The following NALF1 variants were observed in gnomAD, a reference collection of about 807,000 sequenced individuals.
NALF1 encodes the protein NALCN channel auxiliary factor 1, also known as family with sequence similarity 155 member A.
A neutral mutation model predicts 48.4 loss-of-function variants in NALF1; 3 were observed. The observed-to-expected ratio is 0.06, with a 90% CI of 0.03 to 0.16. The LOEUF is 0.16. Among genes scored for constraint, NALF1 ranks in the 10% least tolerant of loss-of-function variants. NALF1 has a pLI of 1.00. For synonymous variants in NALF1, 262 were observed against 245.7 expected, an observed-to-expected ratio of 1.07 and a Z score of -0.62; for missense variants, 526 against 571.5, an observed-to-expected ratio of 0.92 and a Z score of 0.81.
At chr13:107,673,267 C>T (rs777024201) in intron 1 of NALF1, among the ~76,000 whole-genome samples, 7 of 152,138 alleles carry the variant, frequency 4.6e-5, no homozygotes, top group Non-Finnish European at 8.8e-5. Context: ...AGGGGAAATG[C>T]TTTAATGAAA....
intron 1 of NALF1, among the ~76,000 whole-genome samples, chr13:107,503,965 G>A (rs1173816827): frequency 6.6e-6 from 1 of 150,446 alleles, no homozygotes; most frequent in East Asian, 2.0e-4. Context: ...CAGAGATCAA[G>A]AATCAAGGAA....
chr13:107,673,994 C>A (rs1019829369), intron 1 of NALF1, among the ~76,000 whole-genome samples: 2 of 152,044 alleles, frequency 1.3e-5, no homozygotes, highest in Non-Finnish European at 2.9e-5. Context: ...ATTAAGTGTT[C>A]TCCAAAACAC....
At chr13:107,368,217 A>C (rs1883185336) in intron 1 of NALF1, among the ~76,000 whole-genome samples, 1 of 152,208 alleles carries the variant, frequency 6.6e-6, no homozygotes. Flanking sequence ...TCTAAACTGA[A>C]GTCCATAGAA....
chr13:107,461,210 T>C (rs1000660586), intron 1 of NALF1, among the ~76,000 whole-genome samples: 2 of 152,182 alleles, frequency 1.3e-5, no homozygotes, highest in African/African-American at 4.8e-5. Context: ...ATAATTTATA[T>C]GCTTTCTTCT....
intron 1 of NALF1, among the ~76,000 whole-genome samples, chr13:107,227,614 GA>G: frequency 6.6e-6 from 1 of 152,336 alleles, no homozygotes; most frequent in African/African-American, 2.4e-5. Context: ...TGATAGACAA[GA>G]AAGTACTTGT....
chr13:107,303,123 C>A (rs960083549), intron 1 of NALF1, among the ~76,000 whole-genome samples: 1 of 152,008 alleles, frequency 6.6e-6, no homozygotes, highest in Non-Finnish European at 1.5e-5. Context: ...CATTTTTATT[C>A]GACTTCCCTA....
intron 1 of NALF1, among the ~76,000 whole-genome samples, chr13:107,241,169 G>A (rs1880463363): frequency 6.6e-6 from 1 of 151,616 alleles, no homozygotes; most frequent in Non-Finnish European, 1.5e-5. Flanking sequence ...ACTCCAGCTT[G>A]GGCGACAGGG....
chr13:107,329,364 A>C (rs1882424488), intron 1 of NALF1, among the ~76,000 whole-genome samples: 1 of 152,130 alleles, frequency 6.6e-6, no homozygotes, highest in African/African-American at 2.4e-5. Context: ...CACTCTACCT[A>C]AGTCATGGCA....
chr13:107,716,698 G>A (rs916679922), intron 1 of NALF1, among the ~76,000 whole-genome samples: 1 of 152,174 alleles, frequency 6.6e-6, no homozygotes, highest in Non-Finnish European at 1.5e-5. Context: ...TTCATTACAT[G>A]AAGTGTCTTT....
chr13:107,553,423 G>C (rs1412881748), intron 1 of NALF1, among the ~76,000 whole-genome samples: 1 of 152,036 alleles, frequency 6.6e-6, no homozygotes, highest in Non-Finnish European at 1.5e-5. Context: ...CTACATTTTA[G>C]GCAAATGTTT....
intron 1 of NALF1, among the ~76,000 whole-genome samples, chr13:107,413,346 A>T (rs562941538): frequency 2.2e-4 from 33 of 152,204 alleles, no homozygotes; most frequent in Non-Finnish European, 4.1e-4. Context: ...GCTACATCTT[A>T]AGTTAAACCT....
chr13:107,813,510 G>T (rs1879061755), intron 1 of NALF1, among the ~76,000 whole-genome samples: 1 of 151,990 alleles, frequency 6.6e-6, no homozygotes, highest in Non-Finnish European at 1.5e-5. Context: ...TTCTCATAAG[G>T]TTGGCTATAT....
intron 1 of NALF1, among the ~76,000 whole-genome samples, chr13:107,509,798 AATTATT>A (rs1221933937): frequency 6.6e-5 from 10 of 151,918 alleles, no homozygotes; most frequent in Non-Finnish European, 1.5e-4. Flanking sequence ...GTTTAACTAC[AATTATT>A]ATTATTATTA....
At chr13:107,760,873 C>T (rs1276461785) in intron 1 of NALF1, among the ~76,000 whole-genome samples, 1 of 152,056 alleles carries the variant, frequency 6.6e-6, no homozygotes, top group African/African-American at 2.4e-5. Context: ...GTAGTTGAGT[C>T]GGACTTGCTG....
intron 1 of NALF1, among the ~76,000 whole-genome samples, chr13:107,390,534 G>A (rs1195545574): frequency 6.6e-6 from 1 of 151,948 alleles, no homozygotes; most frequent in Admixed American, 6.6e-5. Context: ...GCAATGATAT[G>A]TATAAACCAG....
chr13:107,746,686 G>C (rs963603682), intron 1 of NALF1, among the ~76,000 whole-genome samples: 13 of 152,162 alleles, frequency 8.5e-5, no homozygotes, highest in Non-Finnish European at 1.5e-4. Flanking sequence ...ATGTTAACAG[G>C]AAAGGAACAC....
At chr13:107,271,570 G>GT (rs1881165133) in intron 1 of NALF1, among the ~76,000 whole-genome samples, 1 of 82,786 alleles carries the variant, frequency 1.2e-5, no homozygotes, top group Non-Finnish European at 2.9e-5. Context: ...TGAGAACTCA[G>GT]CCAGGCTGTG....
chr13:107,820,795 G>A (rs1308714171), intron 1 of NALF1, among the ~76,000 whole-genome samples: 1 of 152,152 alleles, frequency 6.6e-6, no homozygotes. Context: ...AACCACAGGA[G>A]ACACTGATTT....
At chr13:107,856,175 G>C (rs770825818) in intron 1 of NALF1, among the ~76,000 whole-genome samples, 44 of 152,172 alleles carry the variant, frequency 2.9e-4, no homozygotes, top group Non-Finnish European at 4.7e-4. Flanking sequence ...CCAAAGTGCT[G>C]GGATTACAGG....
Sources: allele counts gnomAD v4.1 joint callset (sites outside exome capture counted in the v4.1 genomes callset), GRCh38; gene constraint gnomAD v4.1.1; transcripts MANE v1.5; gene names NCBI Gene and HGNC (gene_info 2026-07-23, HGNC 2026-07-21).